DYM: variants seen among roughly 807,000 people sequenced by gnomAD.
DYM encodes the protein dyggve-Melchior-Clausen syndrome protein.
A neutral mutation model predicts 93.1 loss-of-function variants in DYM; 78 were observed. That is an observed-to-expected ratio of 0.84 (90% confidence interval 0.70 to 1.01). The LOEUF is 1.01. Ranked by LOEUF, DYM falls within the 50% of genes least tolerant of loss-of-function variation. The probability of loss-of-function intolerance (pLI) is 0.00; values close to 1 mark genes in which losing one functional copy is unlikely to be tolerated. For synonymous variants in DYM, 321 were observed against 319.7 expected (o/e 1.00, Z -0.04); for missense variants, 789 against 845.0 (o/e 0.93, Z 0.82).
rs534777268 is a variant in DYM at position 49,036,666 on chromosome 18, C to T, written c.*7389G>A. On this transcript the variant is annotated 3_prime_UTR_variant, in exon 18 of 18. Transcript: ENST00000675505. ...TCCTGGGCTCAGGTAATCCTCCTAC[C>T]TTAGCCTCTCCAGTAGCTGGGACTA... Among the ~76,000 whole-genome samples, 8 of 152,160 alleles carry T rather than the reference C, an allele frequency of 5.3e-5. No homozygotes were observed. In the East Asian group the frequency reaches 7.7e-4, roughly 15 times the overall value.
chr18:49,183,926 C>T (rs1162485241), intron 14 of DYM, among the ~76,000 whole-genome samples: 1 of 152,150 alleles, frequency 6.6e-6, no homozygotes. Flanking sequence ...TAAGAAGAGG[C>T]CTTGTGAACA....
At chr18:49,337,806 G>A (rs2063782816) in intron 6 of DYM, among the ~76,000 whole-genome samples, 1 of 152,154 alleles carries the variant, frequency 6.6e-6, no homozygotes, top group Admixed American at 6.5e-5. Flanking sequence ...GGGTCAGAAG[G>A]GAAATTCTTC....
chr18:49,194,631 C>T (rs1013220772), intron 14 of DYM, among the ~76,000 whole-genome samples: 1 of 151,936 alleles, frequency 6.6e-6, no homozygotes, highest in Non-Finnish European at 1.5e-5. Flanking sequence ...AATTTGGTGA[C>T]ATTTTAGTGT....
intron 13 of DYM, among the ~76,000 whole-genome samples, chr18:49,235,399 T>G (rs1314899655): frequency 6.6e-6 from 1 of 152,074 alleles, no homozygotes; most frequent in Non-Finnish European, 1.5e-5. Flanking sequence ...CATAGCAATA[T>G]CATGATCAAA....
At chr18:49,118,059 G>C (rs1192414632) in intron 16 of DYM, among the ~76,000 whole-genome samples, 1 of 128,642 alleles carries the variant, frequency 7.8e-6, no homozygotes, top group African/African-American at 3.1e-5. Flanking sequence ...GCTCAGGCCA[G>C]AGTACAATGG....
chr18:49,113,463 T>A (rs2081615501), intron 16 of DYM, among the ~76,000 whole-genome samples: 1 of 152,188 alleles, frequency 6.6e-6, no homozygotes, highest in Non-Finnish European at 1.5e-5. Flanking sequence ...AAAACATCTA[T>A]CTAATTCCTT....
chr18:49,042,380 C>G lies in DYM; in HGVS notation c.*1675G>C, dbSNP rs1394012311. The stretch of plus-strand genomic sequence containing the variant: ...GAACCTCTGTTTCATTCCATCCAGA[C>G]GAGGATAGGGAAGCTTCCTGCCCTA... On this transcript the variant is annotated 3_prime_UTR_variant, in exon 18 of 18. Transcript: ENST00000675505. The G allele has an allele frequency of 2.0e-5, 3 of 152,372 alleles. No homozygotes were observed. Among genetic ancestry groups the G allele is most frequent in the Admixed American group, 6.5e-5 (1 of 15,284 alleles). 9.4% of individuals were successfully genotyped at this position (152,372 alleles called of 1,614,324 possible).
intron 17 of DYM, among the ~76,000 whole-genome samples, chr18:49,082,549 AAACAC>A (rs1277959157): frequency 6.6e-6 from 1 of 152,266 alleles, no homozygotes; most frequent in Non-Finnish European, 1.5e-5. Context: ...TAAACATAGA[AAACAC>A]AACAATTAAC....
At chr18:49,304,497 A>T (rs1315768696) in intron 8 of DYM, among the ~76,000 whole-genome samples, 1 of 152,190 alleles carries the variant, frequency 6.6e-6, no homozygotes, top group Non-Finnish European at 1.5e-5. Context: ...TATATTGTCA[A>T]CCTCAGCCTC....
At chr18:49,285,381 A>G (rs1468040247) in intron 9 of DYM, among the ~76,000 whole-genome samples, 1 of 152,206 alleles carries the variant, frequency 6.6e-6, no homozygotes, top group Admixed American at 6.5e-5. Flanking sequence ...ACCCATCTTC[A>G]TTACATTAGT....
chr18:49,206,289 C>T (rs190128990), intron 14 of DYM, among the ~76,000 whole-genome samples: 11 of 152,164 alleles, frequency 7.2e-5, no homozygotes, highest in Admixed American at 5.2e-4. Context: ...TTAGCCACCG[C>T]GCCCAGCTGG....
intron 14 of DYM, among the ~76,000 whole-genome samples, chr18:49,191,853 G>A (rs1286961262): frequency 6.6e-6 from 1 of 152,128 alleles, no homozygotes; most frequent in Non-Finnish European, 1.5e-5. Flanking sequence ...ATTATTAAGA[G>A]GCAAAGAATA....
chr18:49,071,934 A>C (rs1404261712), intron 17 of DYM, among the ~76,000 whole-genome samples: 1 of 152,224 alleles, frequency 6.6e-6, no homozygotes, highest in African/African-American at 2.4e-5. Flanking sequence ...TTCCACAGCC[A>C]TAATAACTGC....
chr18:49,161,867 T>C (rs1233306875), intron 15 of DYM, among the ~76,000 whole-genome samples: 1 of 152,166 alleles, frequency 6.6e-6, no homozygotes, highest in Non-Finnish European at 1.5e-5. Flanking sequence ...GACAACCATT[T>C]AGAAATGAAA....
intron 15 of DYM, among the ~76,000 whole-genome samples, chr18:49,142,572 T>C (rs553717853): frequency 6.6e-6 from 1 of 152,362 alleles, no homozygotes; most frequent in Non-Finnish European, 1.5e-5. Flanking sequence ...TTTTTGTCTC[T>C]TTCCAGACAA....
intron 15 of DYM, among the ~76,000 whole-genome samples, chr18:49,143,867 T>A (rs1431442845): frequency 6.6e-6 from 1 of 152,194 alleles, no homozygotes; most frequent in East Asian, 1.9e-4. Context: ...TTATACTCAT[T>A]CATTTCCTCT....
chr18:49,263,430 T>C (rs1434345364), intron 11 of DYM, among the ~76,000 whole-genome samples: 1 of 150,122 alleles, frequency 6.7e-6, no homozygotes, highest in Non-Finnish European at 1.5e-5. Flanking sequence ...GAATATCTTC[T>C]TTTAAAAATA....
chr18:49,310,332 G>T (rs1017227474), intron 8 of DYM, among the ~76,000 whole-genome samples: 1 of 152,084 alleles, frequency 6.6e-6, no homozygotes, highest in African/African-American at 2.4e-5. Flanking sequence ...AAGTTACCCT[G>T]AACTTAAAAG....
At chr18:49,148,786 G>A (rs975943486) in intron 15 of DYM, among the ~76,000 whole-genome samples, 6 of 152,044 alleles carry the variant, frequency 3.9e-5, no homozygotes, top group Non-Finnish European at 5.9e-5. Context: ...CTTGTTAGGG[G>A]TCTGTGAGGC....
Sources: allele counts gnomAD v4.1 joint callset (sites outside exome capture counted in the v4.1 genomes callset), GRCh38; gene constraint gnomAD v4.1.1; transcripts MANE v1.5; gene names NCBI Gene and HGNC (gene_info 2026-07-23, HGNC 2026-07-21).